Variants in RPS6KC1 observed in about 807,000 individuals in gnomAD.
RPS6KC1 encodes inactive ribosomal protein S6 kinase delta-1.
Under a neutral mutation model 103.8 loss-of-function variants are expected in RPS6KC1, and 54 were observed. The observed-to-expected ratio is 0.52, with a 90% CI of 0.42 to 0.65. The LOEUF is 0.65. Among genes scored for constraint, RPS6KC1 ranks in the 30% least tolerant of loss-of-function variants. The pLI is 0.00. For synonymous variants in RPS6KC1, 439 were observed against 438.7 expected, an observed-to-expected ratio of 1.00 and a Z score of -0.01; for missense variants, 1,151 against 1,253.8, an observed-to-expected ratio of 0.92 and a Z score of 1.24.
the RPS6KC1 span, among the ~76,000 whole-genome samples, chr1:213,397,293 G>A: frequency 6.6e-6 from 1 of 151,908 alleles, no homozygotes; most frequent in Non-Finnish European, 1.5e-5. Flanking sequence ...CTTTTCTTAT[G>A]TTTTGTCCCA....
the RPS6KC1 span, among the ~76,000 whole-genome samples, chr1:213,562,548 C>G: frequency 1.3e-5 from 2 of 151,642 alleles, no homozygotes; most frequent in African/African-American, 2.4e-5. Flanking sequence ...GGCCACCACG[C>G]CCGGCTAACT....
the RPS6KC1 span, among the ~76,000 whole-genome samples, chr1:213,695,451 C>T: frequency 6.6e-6 from 1 of 152,180 alleles, no homozygotes; most frequent in Non-Finnish European, 1.5e-5. Context: ...CAAAACTGGA[C>T]ACTGGGACAG....
chr1:213,122,038 GA>G (rs1374971225), intron 5 of RPS6KC1, among the ~76,000 whole-genome samples: 1 of 152,144 alleles, frequency 6.6e-6, no homozygotes, highest in Non-Finnish European at 1.5e-5. Flanking sequence ...TAAAGTAAAT[GA>G]AATGTGCATT....
chr1:213,696,637 A>G, the RPS6KC1 span, among the ~76,000 whole-genome samples: 28 of 152,196 alleles, frequency 1.8e-4, no homozygotes, highest in Admixed American at 1.3e-3. Context: ...CCTTTTTCCA[A>G]TTGAGTACAC....
At chr1:213,636,064 G>T in the RPS6KC1 span, among the ~76,000 whole-genome samples, 1 of 152,032 alleles carries the variant, frequency 6.6e-6, no homozygotes, top group African/African-American at 2.4e-5. Context: ...TTTACAAGGG[G>T]TGTGAAGTAC....
chr1:213,406,416 A>G, the RPS6KC1 span, among the ~76,000 whole-genome samples: 2 of 151,612 alleles, frequency 1.3e-5, no homozygotes, highest in Non-Finnish European at 2.9e-5. Context: ...CAGATACTTT[A>G]TAGAACTGGG....
At chr1:213,350,190 T>C in the RPS6KC1 span, among the ~76,000 whole-genome samples, 2 of 152,136 alleles carry the variant, frequency 1.3e-5, no homozygotes, top group Non-Finnish European at 2.9e-5. Context: ...TTCCTGGTTC[T>C]CTCTCTCTCA....
chr1:213,764,707 C>G, the RPS6KC1 span, among the ~76,000 whole-genome samples: 2 of 152,120 alleles, frequency 1.3e-5, no homozygotes, highest in African/African-American at 4.8e-5. Flanking sequence ...AAAAGGCAAC[C>G]CCAGGTGCAA....
At chr1:213,683,357 T>C in the RPS6KC1 span, among the ~76,000 whole-genome samples, 1 of 152,142 alleles carries the variant, frequency 6.6e-6, no homozygotes, top group African/African-American at 2.4e-5. Context: ...TGTATTTGTC[T>C]TAAGGATGGA....
intron 12 of RPS6KC1, among the ~76,000 whole-genome samples, chr1:213,255,848 C>T (rs1371320138): frequency 6.6e-6 from 1 of 152,118 alleles, no homozygotes; most frequent in Non-Finnish European, 1.5e-5. Context: ...TTATATCTTA[C>T]CTAAATACAG....
the RPS6KC1 span, among the ~76,000 whole-genome samples, chr1:213,736,074 A>G: frequency 6.6e-6 from 1 of 152,258 alleles, no homozygotes; most frequent in East Asian, 1.9e-4. Context: ...AGGCAGGGAC[A>G]GTAACCATGC....
chr1:213,306,029 A>G, the RPS6KC1 span, among the ~76,000 whole-genome samples: 2 of 152,226 alleles, frequency 1.3e-5, no homozygotes, highest in African/African-American at 4.8e-5. Context: ...TAGTGCCTTT[A>G]TATAATCAAG....
chr1:213,177,408 A>G (rs1343124831), intron 8 of RPS6KC1, among the ~76,000 whole-genome samples: 4 of 152,222 alleles, frequency 2.6e-5, no homozygotes, highest in African/African-American at 9.6e-5. Flanking sequence ...AACTTACTAT[A>G]CATTATTTGT....
chr1:213,086,707 C>T (rs917642669), intron 3 of RPS6KC1, among the ~76,000 whole-genome samples: 14 of 152,154 alleles, frequency 9.2e-5, no homozygotes, highest in African/African-American at 3.4e-4. Context: ...CTTCTTGCAA[C>T]TTACATCTAA....
chr1:213,436,839 C>T, the RPS6KC1 span, among the ~76,000 whole-genome samples: 5 of 152,106 alleles, frequency 3.3e-5, no homozygotes, highest in East Asian at 9.7e-4. Flanking sequence ...AAATGCAATC[C>T]ATTTTGTATA....
the RPS6KC1 span, among the ~76,000 whole-genome samples, chr1:213,815,585 T>A: frequency 6.6e-6 from 1 of 152,226 alleles, no homozygotes; most frequent in Non-Finnish European, 1.5e-5. Context: ...ATAGTGGGTT[T>A]GGTTCCAGAT....
intron 2 of RPS6KC1, 118 bp from the exon 3 acceptor site, chr1:213,077,578 A>G: frequency 2.0e-6 from 1 of 508,546 alleles, no homozygotes; most frequent in Non-Finnish European, 3.4e-6. Context: ...CATATTGTTT[A>G]GGACATGTGT....
the RPS6KC1 span, among the ~76,000 whole-genome samples, chr1:213,611,346 T>G: frequency 1.4e-3 from 210 of 152,242 alleles, no homozygotes; most frequent in African/African-American, 4.9e-3. Context: ...CATGTTTTTC[T>G]CGGCTCACCC....
chr1:213,504,877 A>C, the RPS6KC1 span, among the ~76,000 whole-genome samples: 1 of 152,068 alleles, frequency 6.6e-6, no homozygotes, highest in Non-Finnish European at 1.5e-5. Flanking sequence ...AAAGGAGGGG[A>C]GGTGCCCTTT....
Sources: gnomAD v4.1 joint callset for allele counts (sites outside exome capture counted in the v4.1 genomes callset) on GRCh38, gnomAD v4.1.1 for gene constraint, MANE v1.5 for transcripts, NCBI Gene and HGNC (gene_info 2026-07-23, HGNC 2026-07-21) for gene names.